AKAP6: variants seen among roughly 807,000 people sequenced by gnomAD.
The protein encoded by AKAP6 is A-kinase anchoring protein 6.
In AKAP6, 58 loss-of-function variants were observed where a neutral mutation model predicts 188.5. The ratio of observed to expected loss-of-function variants is 0.31; its 90% CI spans 0.25 to 0.38. The LOEUF (loss-of-function observed/expected upper bound fraction) is 0.38. Ranked by LOEUF, AKAP6 falls within the 10% of genes least tolerant of loss-of-function variation. The pLI is 1.00. For missense variants in AKAP6, 2,710 were observed against 2,740.0 expected (o/e 0.99, Z 0.24); for synonymous variants, 989 against 998.6 (o/e 0.99, Z 0.18).
intron 2 of AKAP6, among the ~76,000 whole-genome samples, chr14:32,513,787 A>T (rs938558087): frequency 1.3e-5 from 2 of 152,198 alleles, no homozygotes; most frequent in African/African-American, 4.8e-5. Context: ...AATACTATGA[A>T]TAGCTTTGAC....
chr14:32,746,870 C>T (rs544141818), intron 11 of AKAP6, among the ~76,000 whole-genome samples: 9 of 152,108 alleles, frequency 5.9e-5, no homozygotes, highest in Admixed American at 4.6e-4. Context: ...ACTTGACAGC[C>T]GGCTGGAGGA....
At chr14:32,694,356 G>A (rs544921731) in intron 8 of AKAP6, among the ~76,000 whole-genome samples, 9 of 128,958 alleles carry the variant, frequency 7.0e-5, no homozygotes, top group East Asian at 2.2e-4. Context: ...GTGAGACTCC[G>A]TCTCAAAAAA....
At chr14:32,660,091 A>G (rs535444635) in intron 7 of AKAP6, among the ~76,000 whole-genome samples, 1 of 152,278 alleles carries the variant, frequency 6.6e-6, no homozygotes, top group South Asian at 2.1e-4. Flanking sequence ...AACCTATGAT[A>G]GCTGGAAATA....
chr14:32,639,801 C>T (rs550710206), intron 7 of AKAP6, among the ~76,000 whole-genome samples: 1 of 152,172 alleles, frequency 6.6e-6, no homozygotes, highest in South Asian at 2.1e-4. Context: ...GGGCTGCGGA[C>T]TGAAAATGTC....
At chr14:32,420,303 A>C (rs1889799183) in intron 1 of AKAP6, among the ~76,000 whole-genome samples, 1 of 152,168 alleles carries the variant, frequency 6.6e-6, no homozygotes, top group African/African-American at 2.4e-5. Context: ...TCACTGTAAA[A>C]GATGAGAATT....
At chr14:32,409,072 C>T (rs1030815335) in intron 1 of AKAP6, among the ~76,000 whole-genome samples, 2 of 152,210 alleles carry the variant, frequency 1.3e-5, no homozygotes, top group East Asian at 1.9e-4. Flanking sequence ...TGGTGGCATA[C>T]GCTTGTAATC....
intron 1 of AKAP6, among the ~76,000 whole-genome samples, chr14:32,361,297 G>A (rs2138487990): frequency 6.6e-6 from 1 of 152,230 alleles, no homozygotes; most frequent in South Asian, 2.1e-4. Flanking sequence ...AGGTGTGTGT[G>A]TGTGCATGCA....
chr14:32,621,832 G>A (rs1886827173), intron 7 of AKAP6, among the ~76,000 whole-genome samples: 1 of 152,018 alleles, frequency 6.6e-6, no homozygotes, highest in Non-Finnish European at 1.5e-5. Context: ...TTATTTATGA[G>A]TTTGTTAGCT....
intron 7 of AKAP6, among the ~76,000 whole-genome samples, chr14:32,610,914 T>A (rs1378523798): frequency 6.6e-6 from 1 of 152,202 alleles, no homozygotes; most frequent in African/African-American, 2.4e-5. Context: ...GCTGAAGAGT[T>A]GTGTTTTACT....
Position 32,821,548 on chromosome 14 carries a change from T to C in AKAP6, c.3735T>C (p.Val1245=). The change falls in exon 13 of 14, where the codon GTT becomes GTC. Residue 1245 remains valine (V), a synonymous_variant. Transcript: ENST00000280979. Reference sequence around the variant, plus strand: ...ACCTTGATCAAGAACTCCAACCTGTTATCCCTTCCTTGAAGCTTGGAGAGA... The same window carrying C: ...ACCTTGATCAAGAACTCCAACCTGTCATCCCTTCCTTGAAGCTTGGAGAGA... ...SNDLDQELQP[V]IPSLKLGETS... The C allele has an allele frequency of 6.2e-7, 1 of 1,613,724 alleles. No homozygotes were observed. Among genetic ancestry groups the C allele is most frequent in the Non-Finnish European group, 8.5e-7 (1 of 1,179,830 alleles).
chr14:32,572,641 A>G (rs190474751), intron 4 of AKAP6, among the ~76,000 whole-genome samples: 1 of 152,358 alleles, frequency 6.6e-6, no homozygotes, highest in East Asian at 1.9e-4. Flanking sequence ...ACTTTGCAAG[A>G]TTTGACTGTA....
At chr14:32,719,082 C>T (rs2030388473) in intron 9 of AKAP6, among the ~76,000 whole-genome samples, 1 of 152,044 alleles carries the variant, frequency 6.6e-6, no homozygotes. Context: ...TTTGAGCAGT[C>T]ACCAAGAAAA....
intron 11 of AKAP6, among the ~76,000 whole-genome samples, chr14:32,741,819 G>GTTTTTTTTTTTT (rs34015837): frequency 2.8e-5 from 2 of 70,708 alleles, no homozygotes; most frequent in African/African-American, 5.4e-5. Flanking sequence ...TAGCCTGTAG[G>GTTTTTTTTTTTT]TTTTTTTTTT....
chr14:32,675,548 T>G (rs1418234602), intron 7 of AKAP6, among the ~76,000 whole-genome samples: 2 of 152,228 alleles, frequency 1.3e-5, no homozygotes, highest in East Asian at 3.8e-4. Context: ...TAAGATAGTC[T>G]GCAGAAAGAT....
intron 5 of AKAP6, among the ~76,000 whole-genome samples, chr14:32,588,297 A>T (rs1262046933): frequency 6.6e-6 from 1 of 152,192 alleles, no homozygotes; most frequent in Non-Finnish European, 1.5e-5. Context: ...TTAATATTTT[A>T]TTGTGTGGAT....
chr14:32,609,443 A>G (rs1886258536), intron 7 of AKAP6, among the ~76,000 whole-genome samples: 1 of 152,116 alleles, frequency 6.6e-6, no homozygotes, highest in Admixed American at 6.5e-5. Flanking sequence ...GTTTCTCAGG[A>G]AACATTAACT....
intron 9 of AKAP6, among the ~76,000 whole-genome samples, chr14:32,696,537 T>A (rs945285630): frequency 6.6e-6 from 1 of 152,216 alleles, no homozygotes; most frequent in Non-Finnish European, 1.5e-5. Flanking sequence ...TTTGGCTTGC[T>A]GCTGCCAAAG....
intron 11 of AKAP6, among the ~76,000 whole-genome samples, chr14:32,744,201 T>G (rs1476631670): frequency 6.6e-6 from 1 of 152,228 alleles, no homozygotes; most frequent in Non-Finnish European, 1.5e-5. Context: ...TTGCCACTTT[T>G]AGGATCCTTT....
chr14:32,541,789 G>A (rs564873828), intron 3 of AKAP6, among the ~76,000 whole-genome samples: 37 of 152,074 alleles, frequency 2.4e-4, no homozygotes, highest in Non-Finnish European at 4.9e-4. Context: ...TTTTGAATTG[G>A]GAATCTCACT....
Sources: gnomAD v4.1 joint callset for allele counts (sites outside exome capture counted in the v4.1 genomes callset) on GRCh38, gnomAD v4.1.1 for gene constraint, MANE v1.5 for transcripts, NCBI Gene and HGNC (gene_info 2026-07-23, HGNC 2026-07-21) for gene names.